CNTN4: variants seen among roughly 807,000 people sequenced by gnomAD.
CNTN4 encodes contactin 4, also known as contactin-4.
In CNTN4, 77 loss-of-function variants were observed where a neutral mutation model predicts 122.5. That is an observed-to-expected ratio of 0.63 (90% CI 0.52 to 0.76). CNTN4 has a LOEUF of 0.76. Ranked by LOEUF, CNTN4 falls within the 30% of genes least tolerant of loss-of-function variation. The probability of loss-of-function intolerance (pLI) is 0.00; values close to 1 mark genes in which losing one functional copy is unlikely to be tolerated. For synonymous variants in CNTN4, 512 were observed against 447.0 expected (o/e 1.15, Z -1.83); for missense variants, 1,256 against 1,259.1 (o/e 1.00, Z 0.04).
intron 2 of CNTN4, among the ~76,000 whole-genome samples, chr3:2,108,399 C>G (rs759142032): frequency 3.9e-5 from 6 of 152,150 alleles, no homozygotes; most frequent in Non-Finnish European, 8.8e-5. Flanking sequence ...ATGACCATCT[C>G]TCTTGCTTTT....
chr3:2,590,555 T>C (rs2080422668), intron 4 of CNTN4, among the ~76,000 whole-genome samples: 1 of 151,934 alleles, frequency 6.6e-6, no homozygotes, highest in East Asian at 2.0e-4. Flanking sequence ...GGATAAAATT[T>C]AGAGATCTTT....
At chr3:2,980,321 G>A (rs73805477) in intron 13 of CNTN4, among the ~76,000 whole-genome samples, 13,566 of 152,138 alleles carry the variant, frequency 0.089, 1,553 homozygotes, top group African/African-American at 0.26. Context: ...ATCACCTTTG[G>A]CTTTTCTCTG....
At chr3:2,802,643 G>A (rs937289444) in intron 6 of CNTN4, among the ~76,000 whole-genome samples, 1 of 152,132 alleles carries the variant, frequency 6.6e-6, no homozygotes, top group Non-Finnish European at 1.5e-5. Flanking sequence ...GATGAAAATG[G>A]TGTGACCAGA....
At chr3:3,008,384 C>T (rs1349312770) in intron 14 of CNTN4, among the ~76,000 whole-genome samples, 1 of 152,118 alleles carries the variant, frequency 6.6e-6, no homozygotes, top group African/African-American at 2.4e-5. Context: ...ACAAACAAAT[C>T]AGAGTTGGAT....
At chr3:2,383,726 CTCTCCCTCTTCTCTCT>C (rs1485502128) in intron 3 of CNTN4, among the ~76,000 whole-genome samples, 8 of 148,800 alleles carry the variant, frequency 5.4e-5, no homozygotes, top group Non-Finnish European at 7.4e-5. Context: ...CTTCTTCTGT[CTCTCCCTCTTCTCTCT>C]TCTCCCTCTC....
chr3:2,442,111 G>A (rs1575639392), intron 3 of CNTN4, among the ~76,000 whole-genome samples: 1 of 152,142 alleles, frequency 6.6e-6, no homozygotes, highest in African/African-American at 2.4e-5. Context: ...ATGTGTTGAA[G>A]TAAGCTTTAT....
chr3:2,361,026 A>G (rs1267570439), intron 3 of CNTN4, among the ~76,000 whole-genome samples: 1 of 152,200 alleles, frequency 6.6e-6, no homozygotes. Context: ...GTATTGCACA[A>G]TGTATTGTTG....
At position 2,100,639 on chromosome 3, in the gene CNTN4, C is replaced by T. The variant is rs1574819820; in HGVS notation, c.-145C>T. ...CATTCATGAGAAAATTCACGTTACC[C>T]GTAAGTTTATTCTTGCTATTTTTAT... On this transcript the variant is annotated splice_region_variant and 5_prime_UTR_variant, in exon 2 of 25. Coordinates refer to ENST00000418658, the MANE Select transcript of CNTN4 (RefSeq NM_175607.3). 2 of 152,100 alleles carry T rather than the reference C, an allele frequency of 1.3e-5. No homozygotes were observed. The highest frequency in any genetic ancestry group is 1.3e-4 in the Admixed American group (2 of 15,272). The allele number at this position is 152,100 out of a possible 1,614,324, so 9.4% of individuals were successfully genotyped here.
intron 2 of CNTN4, among the ~76,000 whole-genome samples, chr3:2,242,848 G>A (rs923361314): frequency 1.3e-5 from 2 of 152,092 alleles, no homozygotes; most frequent in East Asian, 3.9e-4. Flanking sequence ...GAGAGTTGAC[G>A]AACTTTCCAT....
intron 6 of CNTN4, among the ~76,000 whole-genome samples, chr3:2,785,168 G>A (rs1400254592): frequency 4.7e-5 from 7 of 149,784 alleles, no homozygotes; most frequent in Non-Finnish European, 8.9e-5. Context: ...GAGAGAGAGA[G>A]ATTTAATATG....
Position 2,418,179 on chromosome 3 carries a change from T to C in CNTN4, c.-89+78946T>C, listed in dbSNP as rs181640343. Among the ~76,000 whole-genome samples, 172 of 152,288 alleles carry C rather than the reference T, an allele frequency of 1.1e-3. 1 individual carries two copies. The highest frequency in any genetic ancestry group is 3.9e-3 in the African/African-American group (163 of 41,574). ...TATGTCAATGTGGGTTCACTGATGA[T>C]AATAAATATACCGCTGGTGAGGTAT... On this transcript the variant is annotated intron_variant, in intron 3 of 24. Coordinates refer to ENST00000418658, the MANE Select transcript of CNTN4 (RefSeq NM_175607.3).
rs892046534 is a variant in CNTN4, at chr3:3,054,091, G to T, written c.2980+116G>T. The T allele has an allele frequency of 5.6e-6, 6 of 1,063,098 alleles. No homozygotes were observed. In the South Asian group the frequency reaches 8.1e-5, roughly 14 times the overall value. 65.9% of individuals were successfully genotyped at this position (1,063,098 alleles called of 1,614,324 possible). A position where few individuals can be genotyped will look rare whatever the true frequency, so the allele number is the denominator to read the frequency against. ...CAAAAGCAGACTTAAAATAGAAATGGAGAACACTACCCCCCTTCTCCAGAT... is the reference window on the plus strand; with the variant it reads ...CAAAAGCAGACTTAAAATAGAAATGTAGAACACTACCCCCCTTCTCCAGAT... On this transcript the variant is annotated intron_variant, in intron 24 of 24. Coordinates refer to ENST00000418658, the MANE Select transcript of CNTN4 (RefSeq NM_175607.3).
chr3:2,120,351 T>TTATATATATATATATATAAAAATA (rs1553568206), intron 2 of CNTN4, among the ~76,000 whole-genome samples: 1 of 45,980 alleles, frequency 2.2e-5, no homozygotes, highest in African/African-American at 6.7e-5. Flanking sequence ...GGCATTTAGG[T>TTATATATATATATATATAAAAATA]TATATATATA....
chr3:2,556,733 C>A (rs1048981546), intron 3 of CNTN4, among the ~76,000 whole-genome samples: 3 of 151,840 alleles, frequency 2.0e-5, no homozygotes, highest in African/African-American at 7.3e-5. Context: ...AGTGTGATTT[C>A]TGTATTTTTC....
intron 14 of CNTN4, chr3:2,998,993 G>T (rs1026006043): frequency 1.3e-5 from 2 of 152,044 alleles, no homozygotes; most frequent in Non-Finnish European, 2.9e-5. Context: ...TTAGCAAAAA[G>T]ATAATCTCAT....
chr3:2,745,209 A>C (rs922331358), intron 5 of CNTN4, among the ~76,000 whole-genome samples: 2 of 152,252 alleles, frequency 1.3e-5, no homozygotes, highest in African/African-American at 2.4e-5. Context: ...AAAGCTGCAC[A>C]GGTGCTATGA....
intron 8 of CNTN4, among the ~76,000 whole-genome samples, chr3:2,876,436 A>T (rs1274395864): frequency 8.3e-6 from 1 of 121,002 alleles, no homozygotes; most frequent in Non-Finnish European, 1.7e-5. Flanking sequence ...CAAGAAAGTC[A>T]ATGTGGAACT....
intron 2 of CNTN4, among the ~76,000 whole-genome samples, chr3:2,280,698 C>T (rs1408814925): frequency 6.6e-6 from 1 of 152,104 alleles, no homozygotes; most frequent in African/African-American, 2.4e-5. Flanking sequence ...ATGGAAAAAC[C>T]CAACTTGTAT....
At chr3:2,692,370 T>C (rs1576471579) in intron 4 of CNTN4, among the ~76,000 whole-genome samples, 2 of 152,078 alleles carry the variant, frequency 1.3e-5, no homozygotes, top group South Asian at 2.1e-4. Context: ...TAATTTTCCT[T>C]TTCCTGCCAG....
Sources: allele counts gnomAD v4.1 joint callset (sites outside exome capture counted in the v4.1 genomes callset), GRCh38; gene constraint gnomAD v4.1.1; transcripts MANE v1.5; gene names NCBI Gene and HGNC (gene_info 2026-07-23, HGNC 2026-07-21).